The following ARHGEF7 variants were observed in gnomAD, a reference collection of about 807,000 sequenced individuals.
ARHGEF7 encodes Rho guanine nucleotide exchange factor 7.
A neutral mutation model predicts 109.8 loss-of-function variants in ARHGEF7; 33 were observed. That is an observed-to-expected ratio of 0.30 (90% CI 0.23 to 0.40). ARHGEF7 has a LOEUF of 0.40. Among genes scored for constraint, ARHGEF7 ranks in the 10% least tolerant of loss-of-function variants. ARHGEF7 has a pLI of 1.00. For synonymous variants in ARHGEF7, 458 were observed against 424.6 expected, an observed-to-expected ratio of 1.08 and a Z score of -0.97; for missense variants, 938 against 1,098.5, an observed-to-expected ratio of 0.85 and a Z score of 2.07.
chr13:111,168,351 A>G (rs959140617), intron 2 of ARHGEF7, among the ~76,000 whole-genome samples: 2 of 151,800 alleles, frequency 1.3e-5, no homozygotes, highest in African/African-American at 4.8e-5. Flanking sequence ...CTGCCCAGCC[A>G]CCTAGCAGCT....
intron 8 of ARHGEF7, among the ~76,000 whole-genome samples, chr13:111,257,167 A>G (rs541028378): frequency 2.6e-5 from 4 of 152,238 alleles, no homozygotes; most frequent in Admixed American, 2.0e-4. Context: ...TCTCCTTACT[A>G]TTCCCTTTGT....
chr13:111,124,842 G>A (rs907530598), intron 1 of ARHGEF7, among the ~76,000 whole-genome samples: 2 of 152,010 alleles, frequency 1.3e-5, no homozygotes, highest in Admixed American at 1.3e-4. Flanking sequence ...TCACTCCAAC[G>A]GCCGCCTCCC....
At position 111,194,063 on chromosome 13, in the gene ARHGEF7, T is replaced by C. The variant is rs142707136; in HGVS notation, c.253-11226T>C. 5.4e-3 allele frequency among the ~76,000 whole-genome samples: 825 copies of C among 152,316 alleles called. 4 individuals carry two copies. Among genetic ancestry groups the C allele is most frequent in the African/African-American group, 0.019 (783 of 41,560 alleles). ...AGATCCTTTCCTTGTGTTATTTTGATAGCCTCTGACGCTAAGACGGCCACC... is the reference window on the plus strand; with the variant it reads ...AGATCCTTTCCTTGTGTTATTTTGACAGCCTCTGACGCTAAGACGGCCACC... On this transcript the variant is annotated intron_variant, in intron 2 of 21. Transcript: ENST00000646102.
chr13:111,115,190 C>G (rs1392569464), upstream of ARHGEF7: 1 of 146,506 alleles, frequency 6.8e-6, no homozygotes, highest in Non-Finnish European at 1.5e-5. Context: ...GCGGAGGCTG[C>G]GCAGGGCGCG....
At position 111,304,119 on chromosome 13, in the gene ARHGEF7, G is replaced by T. The variant is rs2093617436; in HGVS notation, c.*1006G>T. 1 of 152,262 alleles carries T rather than the reference G, an allele frequency of 6.6e-6. No homozygotes were observed. Among genetic ancestry groups the T allele is most frequent in the South Asian group, 2.1e-4 (1 of 4,836 alleles). The allele number at this position is 152,262 out of a possible 1,614,324, so 9.4% of individuals were successfully genotyped here. A position where few individuals can be genotyped will look rare whatever the true frequency, so the allele number is the denominator to read the frequency against. ...TCTCCTCCACCATTGGCCGTAGCCA[G>T]CAGGCTTCAGTGCTCACCGAAAGTA... On this transcript the variant is annotated 3_prime_UTR_variant, in exon 22 of 22. Coordinates refer to ENST00000646102, the MANE Select transcript of ARHGEF7 (RefSeq NM_001354046.2).
intron 1 of ARHGEF7, among the ~76,000 whole-genome samples, chr13:111,151,976 A>G (rs2075910502): frequency 1.3e-5 from 2 of 152,160 alleles, no homozygotes; most frequent in Admixed American, 1.3e-4. Context: ...GTGTCCATAT[A>G]TGACTGAGAG....
intron 19 of ARHGEF7, among the ~76,000 whole-genome samples, chr13:111,297,680 A>AG (rs1171156093): frequency 6.6e-6 from 1 of 152,212 alleles, no homozygotes; most frequent in African/African-American, 2.4e-5. Flanking sequence ...ACTCACCACG[A>AG]GGGGCGTCCT....
At position 111,228,843 on chromosome 13, in the gene ARHGEF7, C is replaced by T. The variant is rs552801132; in HGVS notation, c.671-4362C>T. 2.0e-5 allele frequency among the ~76,000 whole-genome samples: 3 copies of T among 152,108 alleles called. No homozygotes were observed. In the East Asian group the frequency reaches 5.8e-4, roughly 29 times the overall value. ...CGTGGGAATTCCGAGTTTTTCAGGG[C>T]CATGTCTGCTCTGGTGGTTGAAGCC... On this transcript the variant is annotated intron_variant, in intron 5 of 21. Coordinates refer to ENST00000646102, the MANE Select transcript of ARHGEF7 (RefSeq NM_001354046.2). The surrounding 1 kb of genome is among the most constrained non-coding windows in gnomAD (Gnocchi z 4.6).
chr13:111,175,735 G>C (rs1394625917), intron 2 of ARHGEF7, among the ~76,000 whole-genome samples: 1 of 152,228 alleles, frequency 6.6e-6, no homozygotes, highest in Non-Finnish European at 1.5e-5. Flanking sequence ...AGGCACAGGG[G>C]TTGAGTCTTT....
chr13:111,229,990 G>C (rs570402843), intron 5 of ARHGEF7, among the ~76,000 whole-genome samples: 1 of 152,096 alleles, frequency 6.6e-6, no homozygotes, highest in Non-Finnish European at 1.5e-5. Flanking sequence ...ATTTGCTTGG[G>C]TTGGAGCAGG....
intron 5 of ARHGEF7, among the ~76,000 whole-genome samples, chr13:111,218,413 C>T (rs951281987): frequency 2.0e-5 from 3 of 152,088 alleles, no homozygotes; most frequent in African/African-American, 7.2e-5. Flanking sequence ...AATAGTGATC[C>T]TCGGCACATG....
intron 8 of ARHGEF7, among the ~76,000 whole-genome samples, chr13:111,251,042 C>T (rs2089687784): frequency 1.3e-5 from 2 of 152,240 alleles, no homozygotes; most frequent in Admixed American, 6.5e-5. Flanking sequence ...TCTCCAGCCC[C>T]TTGTCCTCCC....
rs372977634 is a variant in ARHGEF7 at position 111,235,994 on chromosome 13, AT to A, written c.759+2705del. Among the ~76,000 whole-genome samples, 88 of 152,340 alleles carry A rather than the reference AT, an allele frequency of 5.8e-4. 2 individuals are homozygous for A. Among genetic ancestry groups the A allele is most frequent in the African/African-American group, 1.9e-3 (77 of 41,584 alleles). On this transcript the variant is annotated intron_variant, in intron 6 of 21. Coordinates refer to ENST00000646102, the MANE Select transcript of ARHGEF7 (RefSeq NM_001354046.2). ...GAGTATTCCATGCGAAAGTACCAAC[AT>A]TTTGAAATTAAGAGACAATGAGACA... is the stretch of plus-strand genomic sequence containing the variant.
At chr13:111,242,341 C>CA (rs1284251778) in intron 6 of ARHGEF7, among the ~76,000 whole-genome samples, 1 of 152,134 alleles carries the variant, frequency 6.6e-6, no homozygotes, top group African/African-American at 2.4e-5. Context: ...CCCGGGTTGT[C>CA]TTTACTAAGG....
At chr13:111,178,966 C>G (rs947880052) in intron 2 of ARHGEF7, among the ~76,000 whole-genome samples, 8 of 152,098 alleles carry the variant, frequency 5.3e-5, no homozygotes, top group Non-Finnish European at 7.4e-5. Context: ...CCGTCCCCCC[C>G]CTTTTTTTTT....
Position 111,218,050 on chromosome 13 carries a change from C to T in ARHGEF7, c.670+170C>T, listed in dbSNP as rs550412959. Among the ~76,000 whole-genome samples the T allele has an allele frequency of 2.0e-5, 3 of 152,362 alleles. No individual in the cohort carries two copies. In the South Asian group the frequency reaches 6.2e-4, roughly 32 times the overall value. ...TTCACCTCAGCCCCACATTGGGGCC[C>T]TGGCATCAAGGGCTCTCTAGTTACT... is the stretch of plus-strand genomic sequence containing the variant. On this transcript the variant is annotated intron_variant, in intron 5 of 21. Coordinates refer to ENST00000646102, the MANE Select transcript of ARHGEF7 (RefSeq NM_001354046.2).
chr13:111,146,266 C>CT (rs2075589435), intron 1 of ARHGEF7, among the ~76,000 whole-genome samples: 7 of 152,204 alleles, frequency 4.6e-5, no homozygotes, highest in Admixed American at 4.6e-4. Flanking sequence ...ACTAGGTTCT[C>CT]TAAGTATGGT....
chr13:111,209,551 A>G (rs888897884), intron 3 of ARHGEF7, among the ~76,000 whole-genome samples: 1 of 152,208 alleles, frequency 6.6e-6, no homozygotes, highest in Non-Finnish European at 1.5e-5. Context: ...TCCATAATCA[A>G]ATTTGAGAGG....
At chr13:111,222,141 A>G (rs2084517947) in intron 5 of ARHGEF7, among the ~76,000 whole-genome samples, 1 of 152,156 alleles carries the variant, frequency 6.6e-6, no homozygotes, top group Admixed American at 6.6e-5. Flanking sequence ...AGACACACCC[A>G]GGATTAATGC....
Sources: allele counts gnomAD v4.1 joint callset (sites outside exome capture counted in the v4.1 genomes callset), GRCh38; gene constraint gnomAD v4.1.1; non-coding constraint Gnocchi (gnomAD v3.1); transcripts MANE v1.5; gene names NCBI Gene and HGNC (gene_info 2026-07-23, HGNC 2026-07-21).